TMC1: variants seen among roughly 807,000 people sequenced by gnomAD.
The protein encoded by TMC1 is transmembrane channel like 1.
In TMC1, 84 loss-of-function variants were observed where a neutral mutation model predicts 105.8. That is an observed-to-expected ratio of 0.79 (90% CI 0.67 to 0.95). The LOEUF (loss-of-function observed/expected upper bound fraction) is 0.95. TMC1 is among the 40% of genes least tolerant of loss of function. TMC1 has a pLI of 0.00. For synonymous variants in TMC1, 315 were observed against 311.5 expected, an observed-to-expected ratio of 1.01 and a Z score of -0.12; for missense variants, 817 against 914.1, an observed-to-expected ratio of 0.89 and a Z score of 1.37.
intron 2 of TMC1, among the ~76,000 whole-genome samples, chr9:72,582,114 T>G (rs1200216320): frequency 6.6e-6 from 1 of 152,166 alleles, no homozygotes; most frequent in African/African-American, 2.4e-5. Context: ...TGCGCCACCA[T>G]GCCTGGCTAA....
chr9:72,555,754 G>A (rs1443890700), intron 1 of TMC1, among the ~76,000 whole-genome samples: 1 of 151,878 alleles, frequency 6.6e-6, no homozygotes, highest in African/African-American at 2.4e-5. Flanking sequence ...CCGAGTAGCT[G>A]GGATTACAGG....
At chr9:72,644,123 T>TTTTCTTATTAG (rs1344942447) in intron 4 of TMC1, among the ~76,000 whole-genome samples, 1 of 152,152 alleles carries the variant, frequency 6.6e-6, no homozygotes, top group Non-Finnish European at 1.5e-5. Context: ...GGACTGTTTG[T>TTTTCTTATTAG]TTTCTTATTA....
intron 18 of TMC1, among the ~76,000 whole-genome samples, chr9:72,813,536 G>A (rs1255339191): frequency 6.6e-6 from 1 of 152,160 alleles, no homozygotes; most frequent in Non-Finnish European, 1.5e-5. Context: ...GCAAACTTTT[G>A]CTGTAAAGGG....
chr9:72,700,662 T>A lies in TMC1; in HGVS notation c.362+19T>A. On this transcript the variant is annotated intron_variant, in intron 8 of 23. Transcript: ENST00000297784. Reference sequence around the variant, plus strand: ...TTCTCAAGTATGGTGCCACTTTTTATAAGTAGAAACACTTTCCCTGATATT... The same window carrying A: ...TTCTCAAGTATGGTGCCACTTTTTAAAAGTAGAAACACTTTCCCTGATATT... The A allele has an allele frequency of 6.4e-7, 1 of 1,568,926 alleles. No homozygotes were observed. Among genetic ancestry groups the A allele is most frequent in the South Asian group, 1.1e-5 (1 of 90,096 alleles).
At chr9:72,728,652 C>T (rs1285675300) in intron 8 of TMC1, among the ~76,000 whole-genome samples, 2 of 152,034 alleles carry the variant, frequency 1.3e-5, no homozygotes, top group Non-Finnish European at 2.9e-5. Flanking sequence ...GATAATAGTA[C>T]AACCTCCCAA....
chr9:72,781,661 C>A (rs1828094454), intron 13 of TMC1, among the ~76,000 whole-genome samples: 1 of 151,998 alleles, frequency 6.6e-6, no homozygotes, highest in African/African-American at 2.4e-5. Context: ...ACACAAAAAA[C>A]CCTCAGAGAT....
At chr9:72,662,935 A>G (rs964403572) in intron 5 of TMC1, among the ~76,000 whole-genome samples, 2 of 152,348 alleles carry the variant, frequency 1.3e-5, no homozygotes, top group African/African-American at 4.8e-5. Context: ...ACTGGGATAT[A>G]TTCTTGTAAC....
At chr9:72,782,812 T>A (rs1828113740) in intron 13 of TMC1, among the ~76,000 whole-genome samples, 2 of 151,708 alleles carry the variant, frequency 1.3e-5, no homozygotes, top group African/African-American at 4.8e-5. Context: ...AATGGAAAAA[T>A]TCCATGCTCA....
chr9:72,567,588 A>T (rs1234882735), intron 1 of TMC1, among the ~76,000 whole-genome samples: 1 of 152,180 alleles, frequency 6.6e-6, no homozygotes, highest in Non-Finnish European at 1.5e-5. Context: ...GAAATGCCAG[A>T]TGCTTCTAAA....
chr9:72,700,988 T>C (rs1003111110), intron 8 of TMC1, among the ~76,000 whole-genome samples: 14 of 152,060 alleles, frequency 9.2e-5, no homozygotes, highest in African/African-American at 3.1e-4. Flanking sequence ...ATTTAGAGTC[T>C]TTTAAATTCT....
chr9:72,540,409 A>G (rs767372603), intron 1 of TMC1, among the ~76,000 whole-genome samples: 2 of 152,182 alleles, frequency 1.3e-5, no homozygotes, highest in African/African-American at 2.4e-5. Flanking sequence ...AGAGATAGCC[A>G]CATGGGTAGT....
At chr9:72,820,691 CA>C in intron 19 of TMC1, 150 bp from the exon 20 acceptor site, 1 of 888,666 alleles carries the variant, frequency 1.1e-6, no homozygotes, top group South Asian at 1.5e-5. Context: ...TAGATAAGTG[CA>C]GTTTCTTTAT....
chr9:72,781,710 A>C (rs1828096022), intron 13 of TMC1, among the ~76,000 whole-genome samples: 1 of 152,220 alleles, frequency 6.6e-6, no homozygotes, highest in African/African-American at 2.4e-5. Context: ...TAGAACACTT[A>C]GAAGAAATGG....
chr9:72,700,614 G>A lies in TMC1; in HGVS notation c.333G>A (p.Trp111Ter), dbSNP rs756957433. Residue 111 changes from tryptophan (W) to a stop codon, truncating the protein, a stop_gained, in exon 8 of 24, where the codon TGG becomes TGA. Coordinates refer to ENST00000297784, the MANE Select transcript of TMC1 (RefSeq NM_138691.3). LOFTEE classifies it high-confidence loss of function. Reference sequence around the variant, plus strand: ...TTGCTACTGTCAAATGCAAACCATGGAAGATGGAGAAGAAAATTGAAGTTC... The same window carrying A: ...TTGCTACTGTCAAATGCAAACCATGAAAGATGGAGAAGAAAATTGAAGTTC... ...QIIATVKCKP[W>*]KMEKKIEVLK... is the part of the protein sequence containing the mutation. 1.2e-6 allele frequency: 2 copies of A among 1,605,320 alleles called. No homozygotes were observed. The highest frequency in any genetic ancestry group is 1.7e-6 in the Non-Finnish European group (2 of 1,174,678).
At chr9:72,754,950 A>G (rs1221734034) in intron 12 of TMC1, 66 bp downstream of exon 12, 2 of 1,275,252 alleles carry the variant, frequency 1.6e-6, no homozygotes, top group Non-Finnish European at 2.3e-6. Flanking sequence ...TTTATTCTGA[A>G]ACCCACGGCC....
rs58007608 is a variant in TMC1, at chr9:72,683,733, TTATATATATATATATA to T, written c.17-4950_17-4935del. 4.7e-4 allele frequency among the ~76,000 whole-genome samples: 25 copies of T among 53,396 alleles called. 1 individual carries two copies. The highest frequency in any genetic ancestry group is 0.012 in the Middle Eastern group (1 of 82). The allele number at this position is 53,396 out of a possible 152,430, so 35.0% of individuals were successfully genotyped here. Reference sequence around the variant, plus strand: ...TCTGAGTTAACCTGAGTTACACATTTTATATATATATATATATATATATATATATATATATATATAT... The same window carrying T: ...TCTGAGTTAACCTGAGTTACACATTTTATATATATATATATATATATATAT... On this transcript the variant is annotated intron_variant, in intron 5 of 23. Transcript: ENST00000297784.
At chr9:72,835,208 G>A (rs867670534) in intron 23 of TMC1, among the ~76,000 whole-genome samples, 1 of 151,988 alleles carries the variant, frequency 6.6e-6, no homozygotes, top group African/African-American at 2.4e-5. Flanking sequence ...TCAATTCAAT[G>A]TATTTACCTC....
chr9:72,685,093 A>C (rs1826354210), intron 5 of TMC1, among the ~76,000 whole-genome samples: 1 of 145,776 alleles, frequency 6.9e-6, no homozygotes, highest in Non-Finnish European at 1.5e-5. Flanking sequence ...ACTGTTATAA[A>C]GTCATTCTTT....
At chr9:72,597,302 A>G (rs2278669) in intron 2 of TMC1, among the ~76,000 whole-genome samples, 74,688 of 152,086 alleles carry the variant, frequency 0.49, 18,529 homozygotes, top group African/African-American at 0.57. Flanking sequence ...CTTGCCAAGC[A>G]GGTCAGCGGG....
Sources: gnomAD v4.1 joint callset for allele counts (sites outside exome capture counted in the v4.1 genomes callset) on GRCh38, gnomAD v4.1.1 for gene constraint, MANE v1.5 for transcripts, NCBI Gene and HGNC (gene_info 2026-07-23, HGNC 2026-07-21) for gene names.